Variants in ATCAY observed in about 807,000 individuals in gnomAD.
ATCAY encodes the protein ATCAY kinesin light chain interacting caytaxin, also known as caytaxin.
In ATCAY, 22 loss-of-function variants were observed where a neutral mutation model predicts 47.7. That is an observed-to-expected ratio of 0.46 (90% CI 0.33 to 0.66). The LOEUF is 0.66. ATCAY is among the 30% of genes least tolerant of loss of function. The pLI, the probability that ATCAY is intolerant of heterozygous loss-of-function variation, is 0.02. For synonymous variants in ATCAY, 216 were observed against 207.6 expected, an observed-to-expected ratio of 1.04 and a Z score of -0.35; for missense variants, 452 against 515.0, an observed-to-expected ratio of 0.88 and a Z score of 1.18.
rs547675638 is a variant in ATCAY at position 3,887,703 on chromosome 19, G to A, written c.77+1859G>A. 6.0e-3 allele frequency among the ~76,000 whole-genome samples: 898 copies of A among 150,488 alleles called. 4 individuals carry two copies. The highest frequency in any genetic ancestry group is 9.8e-3 in the Non-Finnish European group (661 of 67,546). On this transcript the variant is annotated intron_variant, in intron 2 of 12. Transcript: ENST00000450849. ...GGGTTTCACCATGTTAGCCAGGATGGTCTCGATCGTCTGACCTCGTGATCC... is the reference window on the plus strand; with the variant it reads ...GGGTTTCACCATGTTAGCCAGGATGATCTCGATCGTCTGACCTCGTGATCC...
At chr19:3,905,689 GCCCACCCCC>G (rs2038853812) in intron 4 of ATCAY, 34 bp downstream of exon 4, 3 of 1,557,166 alleles carry the variant, frequency 1.9e-6, no homozygotes, top group Admixed American at 1.7e-5. Context: ...GCCTGCTGGA[GCCCACCCCC>G]CCCACCCCAC....
chr19:3,905,162 G>C (rs941099647), intron 3 of ATCAY, among the ~76,000 whole-genome samples: 3 of 152,276 alleles, frequency 2.0e-5, no homozygotes, highest in African/African-American at 7.2e-5. Flanking sequence ...CCGGCCCAAA[G>C]TCAGGCTTTG....
chr19:3,918,096 C>T (rs868614999), intron 10 of ATCAY, among the ~76,000 whole-genome samples: 45 of 152,188 alleles, frequency 3.0e-4, no homozygotes, highest in African/African-American at 9.4e-4. Context: ...TCAAGACGGG[C>T]GCGGTGGCTC....
intron 9 of ATCAY, among the ~76,000 whole-genome samples, chr19:3,914,625 A>G (rs1485667033): frequency 6.6e-6 from 1 of 152,066 alleles, no homozygotes; most frequent in Non-Finnish European, 1.5e-5. Flanking sequence ...GTTCGAGACT[A>G]GCCTGGCCAA....
intron 2 of ATCAY, among the ~76,000 whole-genome samples, chr19:3,888,394 C>A (rs1439008238): frequency 6.6e-6 from 1 of 152,088 alleles, no homozygotes; most frequent in Non-Finnish European, 1.5e-5. Context: ...GTTTGGGAGG[C>A]CGAGGCGGGC....
chr19:3,906,716 T>C (rs778599787), intron 4 of ATCAY, among the ~76,000 whole-genome samples: 17 of 152,178 alleles, frequency 1.1e-4, no homozygotes, highest in Non-Finnish European at 1.8e-4. Flanking sequence ...GCCCTCGATG[T>C]ATGCAACAAA....
chr19:3,911,756 TAA>T (rs2038924217), intron 8 of ATCAY, among the ~76,000 whole-genome samples: 1 of 152,156 alleles, frequency 6.6e-6, no homozygotes, highest in African/African-American at 2.4e-5. Context: ...TTGAATTGAA[TAA>T]AGATTCCTAA....
chr19:3,915,136 G>A (rs1010660086), intron 9 of ATCAY, among the ~76,000 whole-genome samples: 3 of 151,988 alleles, frequency 2.0e-5, no homozygotes, highest in African/African-American at 7.2e-5. Flanking sequence ...ACGTAACATA[G>A]AACTTCCCAT....
intron 2 of ATCAY, among the ~76,000 whole-genome samples, chr19:3,900,560 G>A (rs534361880): frequency 8.8e-5 from 13 of 148,458 alleles, no homozygotes; most frequent in African/African-American, 3.2e-4. Flanking sequence ...GTTTTGAGAT[G>A]GAGTCTCACT....
intron 6 of ATCAY, among the ~76,000 whole-genome samples, chr19:3,909,132 G>A (rs1171741852): frequency 7.3e-6 from 1 of 137,826 alleles, no homozygotes; most frequent in Admixed American, 7.9e-5. Flanking sequence ...AGCTACTAGG[G>A]AGGCTGTGGC....
chr19:3,900,197 T>C (rs79389902), intron 2 of ATCAY, among the ~76,000 whole-genome samples: 1 of 109,706 alleles, frequency 9.1e-6, no homozygotes, highest in Admixed American at 1.1e-4. Context: ...CTTTTCTCTC[T>C]TTTTTTTTTT....
Position 3,910,708 on chromosome 19 carries a change from G to A in ATCAY, c.780-95G>A, listed in dbSNP as rs987590673. On this transcript the variant is annotated intron_variant, in intron 7 of 12. Coordinates refer to ENST00000450849, the MANE Select transcript of ATCAY (RefSeq NM_033064.5). The stretch of plus-strand genomic sequence containing the variant: ...CCACACGTGGAATGAGCAGAGTGAC[G>A]AATGCTTGCTTGTGGCTCTCCCGTC... 165 of 1,254,830 alleles carry A rather than the reference G, an allele frequency of 1.3e-4. 1 individual carries two copies. In the South Asian group the frequency reaches 1.7e-3, roughly 13 times the overall value. The allele number at this position is 1,254,830 out of a possible 1,614,324, so 77.7% of individuals were successfully genotyped here. A position where few individuals can be genotyped will look rare whatever the true frequency, so the allele number is the denominator to read the frequency against.
rs535605834 is a variant in ATCAY at position 3,889,975 on chromosome 19, C to T, written c.77+4131C>T. Reference sequence around the variant, plus strand: ...TTTTTTTTTTTTTGAGACAGAGTCTCGCTCTGTCACCCAGGCTGGGGTGCA... The same window carrying T: ...TTTTTTTTTTTTTGAGACAGAGTCTTGCTCTGTCACCCAGGCTGGGGTGCA... On this transcript the variant is annotated intron_variant, in intron 2 of 12. Coordinates refer to ENST00000450849, the MANE Select transcript of ATCAY (RefSeq NM_033064.5). Among the ~76,000 whole-genome samples the T allele has an allele frequency of 1.0e-4, 15 of 149,722 alleles. 1 individual carries two copies. Among genetic ancestry groups the T allele is most frequent in the Admixed American group, 6.7e-4 (10 of 14,948 alleles).
chr19:3,893,906 C>T (rs1374139304), intron 2 of ATCAY, among the ~76,000 whole-genome samples: 12 of 151,972 alleles, frequency 7.9e-5, no homozygotes, highest in African/African-American at 2.4e-4. Flanking sequence ...GCTCTCTCTG[C>T]GCCAGGCACC....
At chr19:3,910,458 G>A (rs1568450311) in intron 7 of ATCAY, among the ~76,000 whole-genome samples, 1 of 152,146 alleles carries the variant, frequency 6.6e-6, no homozygotes, top group Non-Finnish European at 1.5e-5. Flanking sequence ...CAGGTTAGTG[G>A]AGGGAGGCTC....
intron 2 of ATCAY, chr19:3,895,226 T>C (rs1327704651): frequency 2.2e-6 from 1 of 456,212 alleles, no homozygotes; most frequent in Admixed American, 2.4e-5. Flanking sequence ...GTTTTTGTTT[T>C]TGTTTTTGAG....
Position 3,924,785 on chromosome 19 carries a change from T to A in ATCAY, c.*193T>A, listed in dbSNP as rs1345382595. On this transcript the variant is annotated 3_prime_UTR_variant, in exon 13 of 13. Coordinates refer to ENST00000450849, the MANE Select transcript of ATCAY (RefSeq NM_033064.5). ...TTGAAAACATTGTATTTTTTTTTTT[T>A]AACGATGCAGTATTTGTGCGTTCCA... 1.9e-6 allele frequency: 1 copy of A among 535,860 alleles called. No individual in the cohort carries two copies. The allele number at this position is 535,860 out of a possible 1,614,324, so 33.2% of individuals were successfully genotyped here.
chr19:3,895,716 C>CTTTTTTTTTTTTTTTTTTTTTTTTTTT (rs537910730), intron 2 of ATCAY, among the ~76,000 whole-genome samples: 2 of 129,670 alleles, frequency 1.5e-5, no homozygotes, highest in Admixed American at 8.0e-5. Flanking sequence ...CTTTTCTTTT[C>CTTTTTTTTTTTTTTTTTTTTTTTTTTT]TTTTTTTTTT....
chr19:3,887,234 G>T (rs1489211872), intron 2 of ATCAY, among the ~76,000 whole-genome samples: 1 of 151,842 alleles, frequency 6.6e-6, no homozygotes, highest in East Asian at 1.9e-4. Flanking sequence ...AGGCTGGGGG[G>T]ATTGATAGAG....
Sources: allele counts gnomAD v4.1 joint callset (sites outside exome capture counted in the v4.1 genomes callset), GRCh38; gene constraint gnomAD v4.1.1; transcripts MANE v1.5; gene names NCBI Gene and HGNC (gene_info 2026-07-23, HGNC 2026-07-21).